The following ADAM20 variants were observed in gnomAD, a reference collection of about 807,000 sequenced individuals.
ADAM20 encodes the protein disintegrin and metalloproteinase domain-containing protein 20.
For missense variants in ADAM20, 871 were observed against 883.2 expected (o/e 0.99, Z 0.18); for synonymous variants, 305 against 310.2 (o/e 0.98, Z 0.18).
At chr14:70,540,084 T>C in the ADAM20 span, among the ~76,000 whole-genome samples, 3 of 152,210 alleles carry the variant, frequency 2.0e-5, no homozygotes, top group African/African-American at 4.8e-5. Context: ...TTTCATCATG[T>C]TGGCCAGGAT....
At position 70,523,585 on chromosome 14, in the gene ADAM20, A is replaced by G. The variant is rs779521607; in HGVS notation, c.1173T>C (p.Ser391=). ...ATGGAGGCGGTTGAATACATAATCCACTACTGATAGTACTGTCCCAATATT... is the reference window on the plus strand; with the variant it reads ...ATGGAGGCGGTTGAATACATAATCCGCTACTGATAGTACTGTCCCAATATT... ...YAQYWDSTIS[S]GLCIQPPPYP... Residue 391 remains serine (S), a synonymous_variant, in exon 2 of 2, where the codon AGT becomes AGC. Coordinates refer to ENST00000256389, the MANE Select transcript of ADAM20 (RefSeq NM_003814.5). 8.1e-6 allele frequency: 13 copies of G among 1,613,966 alleles called. 1 individual carries two copies. In the South Asian group the frequency reaches 1.4e-4, roughly 18 times the overall value.
rs1275017198 is a variant in ADAM20 at position 70,522,710 on chromosome 14, T to A, written c.2048A>T (p.Glu683Val). ...DSGPPPKNNM[E>V]GLNVMGKLRY... ...CAACTTTCCCATCACATTTAATCCT[T>A]CCATGTTGTTCTTAGGAGGTGGGCC... The change falls in exon 2 of 2, where the codon GAA (glutamate) becomes GTA (valine). Residue 683 changes from glutamate (E) to valine (V), a missense_variant. Glu to Val is a moderately radical substitution (Grantham distance 121, BLOSUM62 -2). Coordinates refer to ENST00000256389, the MANE Select transcript of ADAM20 (RefSeq NM_003814.5). 3.1e-6 allele frequency: 5 copies of A among 1,614,000 alleles called. No individual in the cohort carries two copies. In the South Asian group the frequency reaches 5.5e-5, roughly 18 times the overall value.
At chr14:70,544,507 G>GT in the ADAM20 span, among the ~76,000 whole-genome samples, 1 of 152,038 alleles carries the variant, frequency 6.6e-6, no homozygotes, top group African/African-American at 2.4e-5. Flanking sequence ...GGCTTTCATG[G>GT]TATATATGAG....
the ADAM20 span, among the ~76,000 whole-genome samples, chr14:70,575,135 A>C: frequency 6.6e-6 from 1 of 151,314 alleles, no homozygotes; most frequent in East Asian, 1.9e-4. Context: ...TAGTACCTAC[A>C]GTTAACAATA....
chr14:70,566,312 A>T, the ADAM20 span, among the ~76,000 whole-genome samples: 1 of 152,228 alleles, frequency 6.6e-6, no homozygotes, highest in Non-Finnish European at 1.5e-5. Context: ...ATTAAGGGAG[A>T]ATAAATGGGT....
At chr14:70,564,106 A>C in the ADAM20 span, among the ~76,000 whole-genome samples, 1 of 152,214 alleles carries the variant, frequency 6.6e-6, no homozygotes, top group African/African-American at 2.4e-5. Context: ...AATTTCTGTC[A>C]TCTCACATTT....
At chr14:70,536,635 T>C (rs1360446515), upstream of ADAM20, among the ~76,000 whole-genome samples, 1 of 152,070 alleles carries the variant, frequency 6.6e-6, no homozygotes, top group African/African-American at 2.4e-5. Flanking sequence ...GATCAAAAAC[T>C]ACCTAAATCC....
chr14:70,530,468 C>A (rs79148320), intron 1 of ADAM20, among the ~76,000 whole-genome samples: 1,653 of 152,214 alleles, frequency 0.011, 9 homozygotes, highest in Non-Finnish European at 0.017. Flanking sequence ...TATAGGAAAT[C>A]TTTTATCATC....
chr14:70,554,939 C>A, the ADAM20 span, among the ~76,000 whole-genome samples: 1 of 152,158 alleles, frequency 6.6e-6, no homozygotes, highest in East Asian at 1.9e-4. Context: ...GGCTCAAAGG[C>A]GTCGTGACAG....
the ADAM20 span, among the ~76,000 whole-genome samples, chr14:70,562,981 G>A: frequency 6.6e-6 from 1 of 152,276 alleles, no homozygotes; most frequent in East Asian, 1.9e-4. Flanking sequence ...CTATTTCAAT[G>A]TCTGCCAACC....
In ADAM20 at chr14:70,524,945, A is replaced by C. The variant is rs1226669133; in HGVS notation, c.-176-12T>G. On this transcript the variant is annotated splice_polypyrimidine_tract_variant and intron_variant, in intron 1 of 1. Transcript: ENST00000256389. ...GCTGAAAATAAAAACTGAAAGAGCC[A>C]GGATGGGGTGGGTGGGATAGAAAGG... The C allele has an allele frequency of 6.5e-7, 1 of 1,546,692 alleles. No homozygotes were observed. The highest frequency in any genetic ancestry group is 8.7e-7 in the Non-Finnish European group (1 of 1,146,190).
the ADAM20 span, among the ~76,000 whole-genome samples, chr14:70,566,804 A>C: frequency 1.3e-5 from 2 of 152,106 alleles, no homozygotes; most frequent in African/African-American, 4.8e-5. Context: ...ACATGGTGAA[A>C]CCTCATCTCT....
the ADAM20 span, among the ~76,000 whole-genome samples, chr14:70,558,815 C>T: frequency 6.6e-6 from 1 of 152,182 alleles, no homozygotes; most frequent in African/African-American, 2.4e-5. Flanking sequence ...ATGACTTCTT[C>T]CTCTTTGAAT....
chr14:70,578,770 G>C, the ADAM20 span, among the ~76,000 whole-genome samples: 1 of 152,056 alleles, frequency 6.6e-6, no homozygotes, highest in Non-Finnish European at 1.5e-5. Flanking sequence ...GCTGAGGTTT[G>C]GACTTCTAAT....
chr14:70,538,968 C>T (rs951286440), upstream of ADAM20, among the ~76,000 whole-genome samples: 1 of 152,088 alleles, frequency 6.6e-6, no homozygotes, highest in Admixed American at 6.6e-5. Context: ...TGTAGGGAGA[C>T]CCCCTGAAAC....
the ADAM20 span, among the ~76,000 whole-genome samples, chr14:70,575,744 T>C: frequency 1.3e-5 from 2 of 152,202 alleles, no homozygotes; most frequent in African/African-American, 2.4e-5. Flanking sequence ...TAAGTAACTA[T>C]AATTCTAGGT....
At chr14:70,550,628 GA>G in the ADAM20 span, among the ~76,000 whole-genome samples, 1 of 80,490 alleles carries the variant, frequency 1.2e-5, no homozygotes, top group South Asian at 5.8e-4. Flanking sequence ...TCTCTGAATA[GA>G]CCAATAACAG....
upstream of ADAM20, chr14:70,535,031 G>GC (rs1883802845): frequency 6.6e-6 from 1 of 152,184 alleles, no homozygotes; most frequent in South Asian, 2.1e-4. Flanking sequence ...ATGGAGAATG[G>GC]CATGTAATGA....
the ADAM20 span, among the ~76,000 whole-genome samples, chr14:70,572,036 C>T: frequency 6.6e-6 from 1 of 152,126 alleles, no homozygotes; most frequent in Non-Finnish European, 1.5e-5. Context: ...ATCAATATAA[C>T]TAAAATGACC....
Sources: allele counts gnomAD v4.1 joint callset (sites outside exome capture counted in the v4.1 genomes callset), GRCh38; gene constraint gnomAD v4.1.1; transcripts MANE v1.5; gene names NCBI Gene and HGNC (gene_info 2026-07-23, HGNC 2026-07-21).